Variants in KCNIP4 observed in about 807,000 individuals in gnomAD.
KCNIP4 encodes potassium voltage-gated channel interacting protein 4.
KCNIP4 carries 12 observed loss-of-function variants against 34.0 expected under a neutral mutation model. The ratio of observed to expected loss-of-function variants is 0.35; its 90% CI spans 0.23 to 0.57. KCNIP4 has a LOEUF of 0.57. KCNIP4 is among the 20% of genes least tolerant of loss of function. The pLI is 0.83. For missense variants in KCNIP4, 238 were observed against 311.7 expected (o/e 0.76, Z 1.78); for synonymous variants, 124 against 102.2 (o/e 1.21, Z -1.29).
chr4:21,895,036 G>T (rs1228308803), intron 1 of KCNIP4, among the ~76,000 whole-genome samples: 1 of 152,138 alleles, frequency 6.6e-6, no homozygotes, highest in African/African-American at 2.4e-5. Flanking sequence ...TTCCAGGTGA[G>T]TTGGGGGGCT....
intron 1 of KCNIP4, among the ~76,000 whole-genome samples, chr4:21,807,947 C>T (rs1480228194): frequency 6.6e-6 from 1 of 152,018 alleles, no homozygotes; most frequent in Non-Finnish European, 1.5e-5. Flanking sequence ...AAATATTTCC[C>T]TAAAAGCTAG....
chr4:21,208,054 G>C (rs935540887), intron 1 of KCNIP4, among the ~76,000 whole-genome samples: 1 of 151,702 alleles, frequency 6.6e-6, no homozygotes, highest in African/African-American at 2.4e-5. Context: ...TGTTACCCAG[G>C]CTGGTCTCGG....
chr4:21,362,134 C>T (rs979716973), intron 1 of KCNIP4, among the ~76,000 whole-genome samples: 12 of 152,122 alleles, frequency 7.9e-5, no homozygotes, highest in Non-Finnish European at 1.6e-4. Context: ...AGTCTAACTG[C>T]ACACTCAGCT....
chr4:21,088,650 G>T (rs1404757387), intron 1 of KCNIP4, among the ~76,000 whole-genome samples: 1 of 152,030 alleles, frequency 6.6e-6, no homozygotes, highest in Non-Finnish European at 1.5e-5. Context: ...AATGTGCCAT[G>T]AAACAGGCCT....
intron 1 of KCNIP4, among the ~76,000 whole-genome samples, chr4:20,994,961 C>T (rs189820751): frequency 1.5e-4 from 23 of 152,272 alleles, no homozygotes; most frequent in African/African-American, 5.5e-4. Context: ...CCTAACACTG[C>T]CTTTAAATGT....
intron 1 of KCNIP4, among the ~76,000 whole-genome samples, chr4:21,296,351 C>T (rs1164859299): frequency 6.6e-6 from 1 of 151,330 alleles, no homozygotes; most frequent in Non-Finnish European, 1.5e-5. Flanking sequence ...ACTTGTTTAC[C>T]AAGCAATGAA....
chr4:20,814,415 G>GA lies in KCNIP4; in HGVS notation c.288+36127dup, dbSNP rs1578683056. On this transcript the variant is annotated intron_variant, in intron 3 of 8. Transcript: ENST00000382152. ...TAAATCTCTCATTGCTGTGCCCACTGAAGCCAGCCTTCAGTTACCAGGGAG... is the reference window on the plus strand; with the variant it reads ...TAAATCTCTCATTGCTGTGCCCACTGAAAGCCAGCCTTCAGTTACCAGGGAG... Among the ~76,000 whole-genome samples, 3 of 152,172 alleles carry GA rather than the reference G, an allele frequency of 2.0e-5. No individual in the cohort carries two copies. The East Asian group carries it at 5.8e-4, about 29-fold the overall frequency.
intron 1 of KCNIP4, among the ~76,000 whole-genome samples, chr4:20,941,797 C>T (rs1259604887): frequency 6.6e-6 from 1 of 151,982 alleles, no homozygotes; most frequent in Non-Finnish European, 1.5e-5. Flanking sequence ...ATTAGTTGTC[C>T]AGTATATAGA....
At position 21,854,908 on chromosome 4, in the gene KCNIP4, T is replaced by C. The variant is rs532333056; in HGVS notation, c.61+93663A>G. 2.1e-4 allele frequency among the ~76,000 whole-genome samples: 32 copies of C among 152,352 alleles called. No individual in the cohort carries two copies. The East Asian group carries it at 6.2e-3, about 29-fold the overall frequency. ...GTATCTGCCTTGAGAGTTTGGACTG[T>C]GTTTTAATCAATATTGGATCATTAG... On this transcript the variant is annotated intron_variant, in intron 1 of 8. Transcript: ENST00000382152.
intron 1 of KCNIP4, among the ~76,000 whole-genome samples, chr4:21,185,571 G>A (rs931779859): frequency 6.6e-6 from 1 of 151,170 alleles, no homozygotes; most frequent in African/African-American, 2.4e-5. Flanking sequence ...GCTTTTGCCT[G>A]TCTTAGTTTA....
intron 1 of KCNIP4, among the ~76,000 whole-genome samples, chr4:21,352,865 C>G (rs952203794): frequency 7.2e-5 from 11 of 152,154 alleles, no homozygotes; most frequent in Non-Finnish European, 1.3e-4. Context: ...GAGACACCTC[C>G]CAGTAAGGGC....
chr4:21,357,049 A>G (rs1027109911), intron 1 of KCNIP4, among the ~76,000 whole-genome samples: 1 of 152,216 alleles, frequency 6.6e-6, no homozygotes, highest in Non-Finnish European at 1.5e-5. Flanking sequence ...AAATCTTACA[A>G]AAAGTATAAA....
chr4:21,114,765 G>A (rs2109114883), intron 1 of KCNIP4, among the ~76,000 whole-genome samples: 1 of 152,126 alleles, frequency 6.6e-6, no homozygotes, highest in Non-Finnish European at 1.5e-5. Context: ...AAAAAACTCA[G>A]GTGTAGGAAG....
intron 1 of KCNIP4, among the ~76,000 whole-genome samples, chr4:21,799,633 G>C (rs751239831): frequency 1.3e-5 from 2 of 152,098 alleles, no homozygotes; most frequent in Non-Finnish European, 1.5e-5. Flanking sequence ...AATGTGCCAG[G>C]TGCAAAGGAG....
Position 21,102,563 on chromosome 4 carries a change from T to C in KCNIP4, c.62-219854A>G, listed in dbSNP as rs542903967. Among the ~76,000 whole-genome samples the C allele has an allele frequency of 5.3e-5, 8 of 152,320 alleles. No homozygotes were observed. In the South Asian group the frequency reaches 8.3e-4, roughly 16 times the overall value. The stretch of plus-strand genomic sequence containing the variant: ...GATATAAATTAGGAAGTTTTCAGCA[T>C]AGCTGAAGTCATGGAAGTCTGTGAC... On this transcript the variant is annotated intron_variant, in intron 1 of 8. Transcript: ENST00000382152.
rs1033571830 is a variant in KCNIP4 at position 21,759,853 on chromosome 4, C to T, written c.61+188718G>A. Among the ~76,000 whole-genome samples the T allele has an allele frequency of 2.0e-4, 31 of 151,902 alleles. 1 individual carries two copies. Among genetic ancestry groups the T allele is most frequent in the Admixed American group, 9.9e-4 (15 of 15,210 alleles). Reference sequence around the variant, plus strand: ...AACATGGCTGTGGATACAGGAGGAACGGAATTATAACACAAGTCAAAGTCC... The same window carrying T: ...AACATGGCTGTGGATACAGGAGGAATGGAATTATAACACAAGTCAAAGTCC... On this transcript the variant is annotated intron_variant, in intron 1 of 8. Transcript: ENST00000382152.
chr4:20,768,328 T>TG (rs1755594877), intron 3 of KCNIP4, among the ~76,000 whole-genome samples: 1 of 152,176 alleles, frequency 6.6e-6, no homozygotes, highest in African/African-American at 2.4e-5. Context: ...AAGATAGTCA[T>TG]GGGGGTTCCG....
At position 20,758,806 on chromosome 4, in the gene KCNIP4, C is replaced by G; in HGVS notation, c.358+15G>C. On this transcript the variant is annotated intron_variant, in intron 4 of 8. Transcript: ENST00000382152. ...AACTCTGATAGTATGTTAACAAGTC[C>G]ACATTTGTACTTACCTCCCTGTGGA... is the stretch of plus-strand genomic sequence containing the variant. 1 of 1,601,408 alleles carries G rather than the reference C, an allele frequency of 6.2e-7. No individual in the cohort carries two copies. The highest frequency in any genetic ancestry group is 8.5e-7 in the Non-Finnish European group (1 of 1,169,698).
intron 3 of KCNIP4, among the ~76,000 whole-genome samples, chr4:20,772,504 A>T (rs1239056674): frequency 6.6e-6 from 1 of 152,148 alleles, no homozygotes; most frequent in East Asian, 1.9e-4. Flanking sequence ...GAAATGTCCC[A>T]GGTGAGGGGT....
Sources: allele counts gnomAD v4.1 joint callset (sites outside exome capture counted in the v4.1 genomes callset), GRCh38; gene constraint gnomAD v4.1.1; transcripts MANE v1.5; gene names NCBI Gene and HGNC (gene_info 2026-07-23, HGNC 2026-07-21).